Variants in HNRNPUL1 observed in about 807,000 individuals in gnomAD.
HNRNPUL1 encodes heterogeneous nuclear ribonucleoprotein U like 1.
Under a neutral mutation model 108.5 loss-of-function variants are expected in HNRNPUL1, and 14 were observed. The ratio of observed to expected loss-of-function variants is 0.13; its 90% CI spans 0.09 to 0.20. The LOEUF is 0.20. HNRNPUL1 is among the 10% of genes least tolerant of loss of function. The pLI, the probability that HNRNPUL1 is intolerant of heterozygous loss-of-function variation, is 1.00. For missense variants in HNRNPUL1, 804 were observed against 1,168.3 expected (o/e 0.69, Z 4.55); for synonymous variants, 422 against 445.2 (o/e 0.95, Z 0.66).
At chr19:41,266,789 G>A (rs1275602813) in intron 1 of HNRNPUL1, among the ~76,000 whole-genome samples, 1 of 152,230 alleles carries the variant, frequency 6.6e-6, no homozygotes, top group Non-Finnish European at 1.5e-5. Flanking sequence ...TTGTTCATAA[G>A]AGAATTTCCC....
intron 2 of HNRNPUL1, 60 bp downstream of exon 2, chr19:41,268,405 C>G (rs148765117): frequency 9.6e-6 from 15 of 1,566,456 alleles, no homozygotes; most frequent in Non-Finnish European, 1.3e-5. Flanking sequence ...GAGCCTTTAC[C>G]CCCTGCTTAG....
intron 2 of HNRNPUL1, among the ~76,000 whole-genome samples, chr19:41,271,108 G>A (rs1218344294): frequency 6.6e-6 from 1 of 152,172 alleles, no homozygotes; most frequent in Non-Finnish European, 1.5e-5. Context: ...CTGTGTTGTG[G>A]CCTCCCAGTG....
chr19:41,293,704 T>A (rs2036722663), intron 8 of HNRNPUL1, among the ~76,000 whole-genome samples: 1 of 152,152 alleles, frequency 6.6e-6, no homozygotes, highest in Non-Finnish European at 1.5e-5. Context: ...GGTCACATAA[T>A]CCTGTAAATG....
intron 10 of HNRNPUL1, among the ~76,000 whole-genome samples, chr19:41,296,048 G>T (rs1223537502): frequency 6.6e-6 from 1 of 152,202 alleles, no homozygotes; most frequent in Non-Finnish European, 1.5e-5. Flanking sequence ...TGGACTCATT[G>T]TCGTGAAAGG....
intron 2 of HNRNPUL1, among the ~76,000 whole-genome samples, chr19:41,271,656 A>C (rs768293974): frequency 3.3e-5 from 5 of 152,102 alleles, no homozygotes; most frequent in African/African-American, 4.8e-5. Flanking sequence ...CTTTCTGTTA[A>C]TGGTATGACT....
chr19:41,289,714 T>C (rs1358092520), intron 7 of HNRNPUL1, among the ~76,000 whole-genome samples: 2 of 60,816 alleles, frequency 3.3e-5, no homozygotes, highest in African/African-American at 2.7e-4. Context: ...CTCCATGGTC[T>C]TTTTTTTTTT....
At chr19:41,280,173 G>A (rs1214599982) in intron 6 of HNRNPUL1, among the ~76,000 whole-genome samples, 1 of 152,132 alleles carries the variant, frequency 6.6e-6, no homozygotes, top group Non-Finnish European at 1.5e-5. Context: ...ATGTTCACAT[G>A]GACTTAGAGA....
At position 41,301,572 on chromosome 19, in the gene HNRNPUL1, A is replaced by G; in HGVS notation, c.1555A>G (p.Arg519Gly). ...TGGGTCAGCCCAGAGACGAAAAATG[A>G]GACCATTTGAAGGCTTCCAGCGCAA... ...VYGSAQRRKMRPFEGFQRKAI... is the reference protein window; with the variant it reads ...VYGSAQRRKMGPFEGFQRKAI... Residue 519 changes from arginine to glycine, a missense_variant, in exon 11 of 15, where the codon AGA becomes GGA. Physicochemically the swap from Arg to Gly is moderately radical, Grantham distance 125. Around this residue, in one of 4 missense-constraint regions of HNRNPUL1, gnomAD observed 80 missense variants for 221.8 expected, o/e 0.36. Coordinates refer to ENST00000392006, the MANE Select transcript of HNRNPUL1 (RefSeq NM_007040.6). The G allele has an allele frequency of 6.2e-7, 1 of 1,614,160 alleles. No homozygotes were observed.
At chr19:41,297,005 G>C (rs1385167923) in intron 10 of HNRNPUL1, among the ~76,000 whole-genome samples, 1 of 152,190 alleles carries the variant, frequency 6.6e-6, no homozygotes, top group Non-Finnish European at 1.5e-5. Context: ...GTCTGGCCAG[G>C]ACTCTAACTC....
Position 41,306,754 on chromosome 19 carries a change from C to G in HNRNPUL1, c.*189C>G. 2.5e-6 allele frequency: 1 copy of G among 407,908 alleles called. No individual in the cohort carries two copies. The highest frequency in any genetic ancestry group is 4.4e-6 in the Non-Finnish European group (1 of 229,682). 25.3% of individuals were successfully genotyped at this position (407,908 alleles called of 1,614,324 possible). ...CCTCCATAGGGCCAGGCATTTTTTT[C>G]TGGATTCAAACAGGCAACAATGACC... On this transcript the variant is annotated 3_prime_UTR_variant, in exon 15 of 15. Coordinates refer to ENST00000392006, the MANE Select transcript of HNRNPUL1 (RefSeq NM_007040.6).
At chr19:41,303,344 C>G (rs1305116527) in intron 12 of HNRNPUL1, among the ~76,000 whole-genome samples, 1 of 149,012 alleles carries the variant, frequency 6.7e-6, no homozygotes, top group Admixed American at 6.8e-5. Flanking sequence ...TGCTTAGCTT[C>G]CTCTCATTTT....
intron 7 of HNRNPUL1, among the ~76,000 whole-genome samples, chr19:41,286,248 G>A (rs1370751023): frequency 1.3e-5 from 2 of 148,356 alleles, no homozygotes; most frequent in African/African-American, 5.0e-5. Context: ...TGTTGCAAGT[G>A]TCCACAAATA....
intron 4 of HNRNPUL1, among the ~76,000 whole-genome samples, chr19:41,274,756 A>G (rs1266385107): frequency 6.6e-6 from 1 of 152,264 alleles, no homozygotes; most frequent in Non-Finnish European, 1.5e-5. Flanking sequence ...GAAGATAAGC[A>G]GCAATTTATT....
intron 10 of HNRNPUL1, among the ~76,000 whole-genome samples, chr19:41,296,715 C>G (rs939263886): frequency 2.0e-5 from 3 of 152,194 alleles, no homozygotes; most frequent in East Asian, 1.9e-4. Flanking sequence ...CCAGCTTTGG[C>G]GGTGACAGGT....
In HNRNPUL1 at chr19:41,306,853, A is replaced by C; in HGVS notation, c.*288A>C. The C allele has an allele frequency of 4.0e-6, 1 of 252,446 alleles. No individual in the cohort carries two copies. The highest frequency in any genetic ancestry group is 7.6e-6 in the Non-Finnish European group (1 of 131,236). The allele number at this position is 252,446 out of a possible 1,614,324, so 15.6% of individuals were successfully genotyped here. On this transcript the variant is annotated 3_prime_UTR_variant, in exon 15 of 15. Coordinates refer to ENST00000392006, the MANE Select transcript of HNRNPUL1 (RefSeq NM_007040.6). ...TTCCTACCTTCTTCCTTTTTGACTA[A>C]ATAATCCCCACCTCCCTTGATCATA...
rs2037595321 is a variant in HNRNPUL1, at chr19:41,307,266, T to C, written c.*701T>C. ...CACAGAATCATCTTTAACCCAACTT[T>C]TTATACGATGCCCCAGTTCCCCATA... On this transcript the variant is annotated 3_prime_UTR_variant, in exon 15 of 15. Coordinates refer to ENST00000392006, the MANE Select transcript of HNRNPUL1 (RefSeq NM_007040.6). 1 of 152,644 alleles carries C rather than the reference T, an allele frequency of 6.6e-6. No individual in the cohort carries two copies. The highest frequency in any genetic ancestry group is 1.5e-5 in the Non-Finnish European group (1 of 68,042). 9.5% of individuals were successfully genotyped at this position (152,644 alleles called of 1,614,324 possible).
Position 41,264,382 on chromosome 19 carries a change from G to A in HNRNPUL1, c.-122G>A, listed in dbSNP as rs989603386. ...GCGGTGGCGGCGGCCATTTTGAGCC[G>A]CTGCCGCCATTGGAGTGGGCCCCCC... On this transcript the variant is annotated 5_prime_UTR_variant, in exon 1 of 15. Transcript: ENST00000392006. The A allele has an allele frequency of 4.1e-4, 344 of 842,888 alleles. 1 individual carries two copies. The highest frequency in any genetic ancestry group is 5.2e-4 in the Non-Finnish European group (323 of 622,744). 52.2% of individuals were successfully genotyped at this position (842,888 alleles called of 1,614,324 possible). A position where few individuals can be genotyped will look rare whatever the true frequency, so the allele number is the denominator to read the frequency against.
chr19:41,301,398 G>C, intron 10 of HNRNPUL1, 138 bp from the exon 11 acceptor site: 1 of 672,570 alleles, frequency 1.5e-6, no homozygotes, highest in Non-Finnish European at 2.5e-6. Flanking sequence ...AAGTAAAGAA[G>C]AGCTGTTTCC....
In HNRNPUL1 at chr19:41,264,617, G is replaced by A. The variant is rs1051589833; in HGVS notation, c.114G>A (p.Glu38=). 1.3e-6 allele frequency: 2 copies of A among 1,582,056 alleles called. No individual in the cohort carries two copies. The highest frequency in any genetic ancestry group is 2.7e-5 in the African/African-American group (2 of 73,358). Residue 38 remains glutamate, a synonymous_variant, in exon 1 of 15, where the codon GAG becomes GAA. Transcript: ENST00000392006. ...CTGAGCGGCTGCAGGCGGCGTTGGA[G>A]GCCGAGGAGCCTGACGACGAGCGGG... ...ELAERLQAAL[E]AEEPDDEREL...
Sources: gnomAD v4.1 joint callset for allele counts (sites outside exome capture counted in the v4.1 genomes callset) on GRCh38, gnomAD v4.1.1 for gene constraint, gnomAD v4.1.1 regional missense constraint, MANE v1.5 for transcripts, NCBI Gene and HGNC (gene_info 2026-07-23, HGNC 2026-07-21) for gene names.